TMEM135: variants seen among roughly 807,000 people sequenced by gnomAD.
TMEM135 encodes transmembrane protein 135.
TMEM135 carries 30 observed loss-of-function variants against 60.3 expected under a neutral mutation model. The ratio of observed to expected loss-of-function variants is 0.50; its 90% CI spans 0.37 to 0.68. The LOEUF is 0.68. Ranked by LOEUF, TMEM135 falls within the 30% of genes least tolerant of loss-of-function variation. The pLI, the probability that TMEM135 is intolerant of heterozygous loss-of-function variation, is 0.00. For synonymous variants in TMEM135, 190 were observed against 186.7 expected (o/e 1.02, Z -0.14); for missense variants, 468 against 548.8 (o/e 0.85, Z 1.47).
At chr11:87,073,275 C>T (rs1031380600) in intron 3 of TMEM135, among the ~76,000 whole-genome samples, 9 of 152,192 alleles carry the variant, frequency 5.9e-5, no homozygotes, top group Admixed American at 3.9e-4. Flanking sequence ...CCTTGTGATC[C>T]GCCCACCTCG....
intron 5 of TMEM135, among the ~76,000 whole-genome samples, chr11:87,189,440 C>T (rs752024904): frequency 3.3e-5 from 5 of 152,100 alleles, no homozygotes; most frequent in Non-Finnish European, 7.4e-5. Flanking sequence ...GGATTACAAG[C>T]GTGAGCCACC....
At chr11:87,122,651 G>A (rs1485741655) in intron 4 of TMEM135, among the ~76,000 whole-genome samples, 1 of 151,960 alleles carries the variant, frequency 6.6e-6, no homozygotes, top group African/African-American at 2.4e-5. Flanking sequence ...AGTAGAGACG[G>A]GGTTTCGCCA....
intron 6 of TMEM135, among the ~76,000 whole-genome samples, chr11:87,266,895 G>T (rs1370143821): frequency 6.6e-6 from 1 of 152,166 alleles, no homozygotes; most frequent in Non-Finnish European, 1.5e-5. Context: ...TTTGTTGTGT[G>T]GTTTTCTCTA....
chr11:87,222,332 T>G (rs561261981), intron 5 of TMEM135, among the ~76,000 whole-genome samples: 2 of 144,696 alleles, frequency 1.4e-5, no homozygotes, highest in Non-Finnish European at 3.0e-5. Flanking sequence ...CCGTCTCTAC[T>G]AAAAATGCAA....
At chr11:87,159,593 G>GCGCGCACACACACACACACACA (rs56665411) in intron 5 of TMEM135, among the ~76,000 whole-genome samples, 2 of 124,880 alleles carry the variant, frequency 1.6e-5, no homozygotes, top group East Asian at 4.2e-4. Context: ...ACACACACGC[G>GCGCGCACACACACACACACACA]CACACACACA....
At chr11:87,223,670 C>A (rs1214386094) in intron 5 of TMEM135, among the ~76,000 whole-genome samples, 2 of 104,828 alleles carry the variant, frequency 1.9e-5, no homozygotes, top group South Asian at 6.2e-4. Flanking sequence ...CATGCACGCA[C>A]ACACACACAC....
chr11:87,246,186 G>T (rs10160650), intron 6 of TMEM135, among the ~76,000 whole-genome samples: 8 of 132,810 alleles, frequency 6.0e-5, no homozygotes, highest in African/African-American at 2.3e-4. Context: ...GGCCCCCACT[G>T]TCTTCTGGCT....
At chr11:87,091,624 T>C (rs796615200) in intron 4 of TMEM135, among the ~76,000 whole-genome samples, 2 of 152,118 alleles carry the variant, frequency 1.3e-5, no homozygotes, top group South Asian at 2.1e-4. Context: ...CTTGTGCTCT[T>C]CATTGCCTTT....
At chr11:87,103,490 TTTTG>T (rs1409407501) in intron 4 of TMEM135, among the ~76,000 whole-genome samples, 26 of 88,830 alleles carry the variant, frequency 2.9e-4, no homozygotes, top group Non-Finnish European at 4.6e-5. Context: ...TGTTTTTTTT[TTTTG>T]TTTGTTTTTT....
At chr11:87,102,497 C>G (rs1016510265) in intron 4 of TMEM135, among the ~76,000 whole-genome samples, 1 of 151,954 alleles carries the variant, frequency 6.6e-6, no homozygotes, top group African/African-American at 2.4e-5. Flanking sequence ...AATTGTTTAA[C>G]CACTTTGGAA....
intron 4 of TMEM135, among the ~76,000 whole-genome samples, chr11:87,097,869 A>G (rs1459621634): frequency 1.3e-5 from 2 of 152,104 alleles, no homozygotes; most frequent in African/African-American, 4.8e-5. Context: ...AGTAACAGTC[A>G]CCCTTCATGT....
intron 6 of TMEM135, among the ~76,000 whole-genome samples, chr11:87,263,659 C>T (rs1287728072): frequency 6.6e-6 from 1 of 152,030 alleles, no homozygotes; most frequent in Non-Finnish European, 1.5e-5. Context: ...AATACCAATA[C>T]TTAAGTTTCA....
intron 1 of TMEM135, among the ~76,000 whole-genome samples, chr11:87,058,570 A>T (rs1442055451): frequency 2.0e-5 from 3 of 151,920 alleles, no homozygotes; most frequent in African/African-American, 7.3e-5. Context: ...GTCTCAAGTG[A>T]TCCACCCGCC....
chr11:87,120,110 C>CT (rs770897413), intron 4 of TMEM135, among the ~76,000 whole-genome samples: 32 of 130,924 alleles, frequency 2.4e-4, no homozygotes, highest in South Asian at 4.8e-4. Context: ...TTTTTTTCTT[C>CT]TTCTTCTTTT....
At chr11:87,198,059 T>C (rs2135326421) in intron 5 of TMEM135, among the ~76,000 whole-genome samples, 1 of 152,306 alleles carries the variant, frequency 6.6e-6, no homozygotes, top group East Asian at 1.9e-4. Context: ...CTTGAGTGTT[T>C]ATCATTTTTA....
At chr11:87,129,836 C>T (rs893573725) in intron 4 of TMEM135, among the ~76,000 whole-genome samples, 1 of 152,130 alleles carries the variant, frequency 6.6e-6, no homozygotes. Flanking sequence ...CCATTGCGCT[C>T]GGCTGTTATT....
At chr11:87,126,609 T>C (rs1937739239) in intron 4 of TMEM135, among the ~76,000 whole-genome samples, 1 of 151,460 alleles carries the variant, frequency 6.6e-6, no homozygotes, top group African/African-American at 2.4e-5. Context: ...TATATATATA[T>C]ACTATATGTA....
Position 87,328,484 on chromosome 11 carries a change from A to ATATAGTTT in TMEM135, c.*7156_*7157insTTTTATAG. On this transcript the variant is annotated 3_prime_UTR_variant, in exon 15 of 15. Transcript: ENST00000305494. Reference sequence around the variant, plus strand: ...CAGAATAGTGTGCATTGTACCCAATATATAGCTTTTTATTCCTTCCCCTTC... The same window carrying ATATAGTTT: ...CAGAATAGTGTGCATTGTACCCAATATATAGTTTTATAGCTTTTTATTCCTTCCCCTTC... The ATATAGTTT allele has an allele frequency of 2.2e-6, 1 of 454,066 alleles. No homozygotes were observed. The allele number at this position is 454,066 out of a possible 1,614,324, so 28.1% of individuals were successfully genotyped here.
chr11:87,287,345 A>T (rs1208916468), intron 6 of TMEM135, among the ~76,000 whole-genome samples: 1 of 152,214 alleles, frequency 6.6e-6, no homozygotes, highest in African/African-American at 2.4e-5. Flanking sequence ...TTAATGAGTA[A>T]AAGAAGGACT....
Sources: gnomAD v4.1 joint callset for allele counts (sites outside exome capture counted in the v4.1 genomes callset) on GRCh38, gnomAD v4.1.1 for gene constraint, MANE v1.5 for transcripts, NCBI Gene and HGNC (gene_info 2026-07-23, HGNC 2026-07-21) for gene names.